TRIM44: variants seen among roughly 807,000 people sequenced by gnomAD.
TRIM44 encodes tripartite motif-containing protein 44.
Under a neutral mutation model 37.4 loss-of-function variants are expected in TRIM44, and 13 were observed. The observed-to-expected ratio is 0.35, with a 90% CI of 0.23 to 0.55. The LOEUF (loss-of-function observed/expected upper bound fraction) is 0.55, where lower values mean the gene tolerates loss of function less well. Ranked by LOEUF, TRIM44 falls within the 20% of genes least tolerant of loss-of-function variation. The probability of loss-of-function intolerance (pLI) is 0.89; values close to 1 mark genes in which losing one functional copy is unlikely to be tolerated. For synonymous variants in TRIM44, 175 were observed against 157.2 expected, an observed-to-expected ratio of 1.11 and a Z score of -0.85; for missense variants, 426 against 437.2, an observed-to-expected ratio of 0.97 and a Z score of 0.23.
intron 4 of TRIM44, among the ~76,000 whole-genome samples, chr11:35,756,908 C>T (rs564211990): frequency 3.7e-4 from 56 of 152,272 alleles, no homozygotes; most frequent in Non-Finnish European, 6.3e-4. Context: ...TTCGGTTTGC[C>T]AGTATTTTAT....
chr11:35,668,761 A>G (rs557775943), intron 1 of TRIM44, among the ~76,000 whole-genome samples: 24 of 152,346 alleles, frequency 1.6e-4, no homozygotes, highest in African/African-American at 3.4e-4. Flanking sequence ...ATTGTTTTAC[A>G]TAGTATTTTT....
intron 4 of TRIM44, among the ~76,000 whole-genome samples, chr11:35,743,139 A>G (rs577522656): frequency 1.2e-3 from 180 of 152,286 alleles, no homozygotes; most frequent in African/African-American, 4.3e-3. Flanking sequence ...AAGCTGTCTA[A>G]GCAAAGAGGT....
intron 4 of TRIM44, among the ~76,000 whole-genome samples, chr11:35,746,953 T>C (rs1852499928): frequency 6.6e-6 from 1 of 152,198 alleles, no homozygotes; most frequent in South Asian, 2.1e-4. Context: ...TCTTGGTGAG[T>C]ACATGTCTTA....
intron 4 of TRIM44, among the ~76,000 whole-genome samples, chr11:35,787,311 AC>A (rs1853142895): frequency 6.6e-6 from 1 of 152,162 alleles, no homozygotes; most frequent in Non-Finnish European, 1.5e-5. Flanking sequence ...TGGTTAAACA[AC>A]CATATTCTTA....
chr11:35,672,338 C>G (rs1851403959), intron 1 of TRIM44, among the ~76,000 whole-genome samples: 1 of 152,032 alleles, frequency 6.6e-6, no homozygotes, highest in Non-Finnish European at 1.5e-5. Flanking sequence ...CTAGACACTC[C>G]CACTAAACTG....
In TRIM44 at chr11:35,726,117, A is replaced by C. The variant is rs61758104; in HGVS notation, c.941A>C (p.Lys314Thr). The change falls in exon 3 of 5, where the codon AAG becomes ACG. Residue 314 changes from lysine to threonine, a missense_variant. Coordinates refer to ENST00000299413, the MANE Select transcript of TRIM44 (RefSeq NM_017583.6). ...TTGATGACTCAGATGGCCCAAGCCA[A>C]GGAACAACTTGATACCTCTAATGAA... ...DRLMTQMAQA[K>T]EQLDTSNESA... 5.0e-6 allele frequency: 8 copies of C among 1,614,172 alleles called. No individual in the cohort carries two copies. The highest frequency in any genetic ancestry group is 1.7e-4 in the Middle Eastern group (1 of 6,060).
chr11:35,766,622 A>G (rs1437469266), intron 4 of TRIM44, among the ~76,000 whole-genome samples: 2 of 152,204 alleles, frequency 1.3e-5, no homozygotes, highest in African/African-American at 4.8e-5. Context: ...GTGATTATTC[A>G]TCCAGCACAT....
At chr11:35,740,542 T>C (rs897027154) in intron 4 of TRIM44, among the ~76,000 whole-genome samples, 7 of 152,150 alleles carry the variant, frequency 4.6e-5, no homozygotes, top group African/African-American at 1.7e-4. Flanking sequence ...CTGGCTGTTA[T>C]TCAGGCAAAA....
intron 1 of TRIM44, among the ~76,000 whole-genome samples, chr11:35,682,317 A>G (rs1371895676): frequency 6.6e-6 from 1 of 152,096 alleles, no homozygotes; most frequent in Non-Finnish European, 1.5e-5. Flanking sequence ...CAAGAGGGGT[A>G]TTCTCAGCTT....
At chr11:35,775,182 C>G (rs1852938974) in intron 4 of TRIM44, among the ~76,000 whole-genome samples, 1 of 152,164 alleles carries the variant, frequency 6.6e-6, no homozygotes, top group Non-Finnish European at 1.5e-5. Context: ...AGAGGTCCCT[C>G]ACATCCCTTG....
chr11:35,683,856 C>CA (rs1173789989), intron 1 of TRIM44, among the ~76,000 whole-genome samples: 1 of 151,452 alleles, frequency 6.6e-6, no homozygotes, highest in Non-Finnish European at 1.5e-5. Flanking sequence ...TACAGGGATA[C>CA]AAAAAAATAC....
rs116943357 is a variant in TRIM44, at chr11:35,741,741, C to T, written c.1007+6296C>T. 3.3e-3 allele frequency among the ~76,000 whole-genome samples: 502 copies of T among 152,232 alleles called. 21 individuals are homozygous for T. In the East Asian group the frequency reaches 0.084, roughly 25 times the overall value. ...AACATTTCCCACTAGGAGCTCTATTCCCTAACCTCTCAGACAACAAAGATT... is the reference window on the plus strand; with the variant it reads ...AACATTTCCCACTAGGAGCTCTATTTCCTAACCTCTCAGACAACAAAGATT... On this transcript the variant is annotated intron_variant, in intron 4 of 4. Coordinates refer to ENST00000299413, the MANE Select transcript of TRIM44 (RefSeq NM_017583.6).
intron 2 of TRIM44, among the ~76,000 whole-genome samples, chr11:35,706,493 C>A (rs1424238910): frequency 6.6e-6 from 1 of 152,160 alleles, no homozygotes; most frequent in African/African-American, 2.4e-5. Flanking sequence ...CCTTGATGAA[C>A]ATCGATGCAA....
At chr11:35,699,573 A>G (rs1851755392) in intron 2 of TRIM44, among the ~76,000 whole-genome samples, 1 of 151,988 alleles carries the variant, frequency 6.6e-6, no homozygotes, top group African/African-American at 2.4e-5. Flanking sequence ...CACCACTCCT[A>G]TTCAACATAG....
intron 1 of TRIM44, among the ~76,000 whole-genome samples, chr11:35,665,770 T>A (rs1219487499): frequency 1.4e-5 from 2 of 147,902 alleles, no homozygotes; most frequent in Admixed American, 6.8e-5. Flanking sequence ...AATTTTTGTA[T>A]TTTTTTTTTA....
chr11:35,699,771 C>T (rs939824775), intron 2 of TRIM44, among the ~76,000 whole-genome samples: 1 of 151,832 alleles, frequency 6.6e-6, no homozygotes, highest in African/African-American at 2.4e-5. Context: ...GATACAAAAT[C>T]AATGTGCAAA....
At chr11:35,802,723 T>A (rs1260570206) in intron 4 of TRIM44, among the ~76,000 whole-genome samples, 2 of 152,174 alleles carry the variant, frequency 1.3e-5, no homozygotes, top group Non-Finnish European at 2.9e-5. Context: ...CTCCCCAGTG[T>A]TTGGCAGGCA....
chr11:35,762,421 C>G (rs1852742181), intron 4 of TRIM44, among the ~76,000 whole-genome samples: 1 of 152,132 alleles, frequency 6.6e-6, no homozygotes, highest in African/African-American at 2.4e-5. Flanking sequence ...GTGAAGAATG[C>G]TCACTCCAGA....
intron 3 of TRIM44, among the ~76,000 whole-genome samples, chr11:35,729,805 G>C (rs943501875): frequency 2.0e-5 from 3 of 152,188 alleles, no homozygotes; most frequent in African/African-American, 7.2e-5. Flanking sequence ...TAGGAACTAG[G>C]TTTTTATAAT....
Sources: allele counts gnomAD v4.1 joint callset (sites outside exome capture counted in the v4.1 genomes callset), GRCh38; gene constraint gnomAD v4.1.1; transcripts MANE v1.5; gene names NCBI Gene and HGNC (gene_info 2026-07-23, HGNC 2026-07-21).